OXR1: variants seen among roughly 807,000 people sequenced by gnomAD.
OXR1 encodes oxidation resistance 1.
Under a neutral mutation model 104.6 loss-of-function variants are expected in OXR1, and 41 were observed. The observed-to-expected ratio is 0.39, with a 90% confidence interval of 0.31 to 0.51. OXR1 has a LOEUF of 0.51. Among genes scored for constraint, OXR1 ranks in the 20% least tolerant of loss-of-function variants. The pLI, the probability that OXR1 is intolerant of heterozygous loss-of-function variation, is 0.77. For missense variants in OXR1, 955 were observed against 1,031.9 expected (o/e 0.93, Z 1.02); for synonymous variants, 348 against 348.4 (o/e 1.00, Z 0.01).
At chr8:106,294,409 A>AAAAG (rs1563700169) in intron 1 of OXR1, among the ~76,000 whole-genome samples, 2 of 149,014 alleles carry the variant, frequency 1.3e-5, no homozygotes, top group Non-Finnish European at 1.5e-5. Flanking sequence ...AAAAAAAAAA[A>AAAAG]AAAAAAGAAA....
intron 1 of OXR1, among the ~76,000 whole-genome samples, chr8:106,356,517 A>G (rs1007888489): frequency 6.6e-5 from 10 of 152,106 alleles, no homozygotes; most frequent in Non-Finnish European, 1.3e-4. Context: ...ACTCTATCTA[A>G]GATTCTAGGA....
intron 2 of OXR1, among the ~76,000 whole-genome samples, chr8:106,436,830 G>C (rs1819597194): frequency 6.6e-6 from 1 of 152,128 alleles, no homozygotes; most frequent in Non-Finnish European, 1.5e-5. Context: ...AGTTCCTACA[G>C]TTTCTGGAAT....
Position 106,720,562 on chromosome 8 carries a change from T to A in OXR1, c.1956+6577T>A, listed in dbSNP as rs1832743684. 1.6e-5 allele frequency: 3 copies of A among 182,408 alleles called. No individual in the cohort carries two copies. The Admixed American group carries it at 2.0e-4, about 12-fold the overall frequency. 11.3% of individuals were successfully genotyped at this position (182,408 alleles called of 1,614,324 possible). ...TCAAAAACATAAATTTGGTTCACTA[T>A]GGAAAAAGGTTTGTTTAATCATTTT... On this transcript the variant is annotated intron_variant, in intron 11 of 16. Transcript: ENST00000517566.
chr8:106,414,021 C>T (rs1343766654), intron 2 of OXR1, among the ~76,000 whole-genome samples: 7 of 152,124 alleles, frequency 4.6e-5, no homozygotes, highest in African/African-American at 7.2e-5. Context: ...AGCCACTGCA[C>T]GCAGACTGCT....
At chr8:106,670,717 G>GGA (rs1826856095) in intron 3 of OXR1, among the ~76,000 whole-genome samples, 1 of 151,988 alleles carries the variant, frequency 6.6e-6, no homozygotes, top group African/African-American at 2.4e-5. Flanking sequence ...AGAGTAAACA[G>GGA]GAAAGAGGAA....
At chr8:106,341,077 A>G (rs1206707738) in intron 1 of OXR1, among the ~76,000 whole-genome samples, 3 of 152,084 alleles carry the variant, frequency 2.0e-5, no homozygotes, top group African/African-American at 7.2e-5. Flanking sequence ...GCTGCTACTA[A>G]AAGTTTCGTT....
At chr8:106,560,986 T>C (rs531683730) in intron 3 of OXR1, among the ~76,000 whole-genome samples, 26 of 152,270 alleles carry the variant, frequency 1.7e-4, no homozygotes, top group African/African-American at 6.3e-4. Context: ...GCCCAGATAC[T>C]ATGCTTTTCC....
chr8:106,519,012 G>A lies in OXR1; in HGVS notation c.93G>A (p.Lys31=). ...TCAACCCTTTGGCTGGTGCAGGAAA[G>A]CAAACACCACAAGCCAGTAAGCCCC... The part of the protein sequence containing the change: ...PGFNPLAGAG[K]QTPQASKPPA... The change falls in exon 3 of 17, where the codon AAG becomes AAA. Residue 31 remains lysine (K), a synonymous_variant. Coordinates refer to ENST00000517566, the MANE Select transcript of OXR1 (RefSeq NM_001198533.2). 6.4e-7 allele frequency: 1 copy of A among 1,551,666 alleles called. No homozygotes were observed. The highest frequency in any genetic ancestry group is 8.7e-7 in the Non-Finnish European group (1 of 1,146,944).
chr8:106,540,405 G>A (rs1490416815), intron 3 of OXR1, among the ~76,000 whole-genome samples: 1 of 152,120 alleles, frequency 6.6e-6, no homozygotes. Context: ...GTCCTAGAGT[G>A]AATCTATTTT....
intron 2 of OXR1, among the ~76,000 whole-genome samples, chr8:106,452,652 G>T (rs1820381606): frequency 6.6e-6 from 1 of 152,054 alleles, no homozygotes; most frequent in South Asian, 2.1e-4. Flanking sequence ...CCAATTTACT[G>T]TTCCTGGAAT....
At chr8:106,678,018 T>A (rs28921393) in intron 3 of OXR1, among the ~76,000 whole-genome samples, 3,470 of 152,146 alleles carry the variant, frequency 0.023, 63 homozygotes, top group South Asian at 0.048. Context: ...GTGGAAGGGA[T>A]TTAAACCCAA....
At chr8:106,733,709 C>G (rs1475826590) in intron 11 of OXR1, among the ~76,000 whole-genome samples, 3 of 151,546 alleles carry the variant, frequency 2.0e-5, no homozygotes, top group Non-Finnish European at 4.4e-5. Context: ...ATCTGTAGTC[C>G]CAGCTACTTG....
chr8:106,671,044 C>CAAAAAAAA lies in OXR1; in HGVS notation c.221-8154_221-8147dup, dbSNP rs60404483. 9.7e-3 allele frequency among the ~76,000 whole-genome samples: 476 copies of CAAAAAAAA among 48,880 alleles called. 54 individuals carry two copies. The highest frequency in any genetic ancestry group is 0.048 in the African/African-American group (394 of 8,128). The allele number at this position is 48,880 out of a possible 152,430, so 32.1% of individuals were successfully genotyped here. A position where few individuals can be genotyped will look rare whatever the true frequency, so the allele number is the denominator to read the frequency against. On this transcript the variant is annotated intron_variant, in intron 3 of 16. Transcript: ENST00000517566. ...TGGGTGACAGAGTGAGACTCTGTCT[C>CAAAAAAAA]AAAAAAAAAAAAAAAAAAAGAATGG...
chr8:106,447,209 G>A (rs1248476035), intron 2 of OXR1, among the ~76,000 whole-genome samples: 3 of 152,140 alleles, frequency 2.0e-5, no homozygotes, highest in Non-Finnish European at 4.4e-5. Context: ...AGGCTAATCA[G>A]TTTGGTAACT....
At chr8:106,668,911 T>C (rs1180332765) in intron 3 of OXR1, among the ~76,000 whole-genome samples, 1 of 152,132 alleles carries the variant, frequency 6.6e-6, no homozygotes, top group Admixed American at 6.6e-5. Flanking sequence ...CAATAGTAAA[T>C]CTGTAGGTCC....
At position 106,324,661 on chromosome 8, in the gene OXR1, G is replaced by A. The variant is rs117802562; in HGVS notation, c.-138-34815G>A. On this transcript the variant is annotated intron_variant, in intron 1 of 16. Transcript: ENST00000517566. ...TTTAGAGCACCTAGTGCCCTCCATC[G>A]TCATCAACCACCCACTGCTGCGGAT... Among the ~76,000 whole-genome samples the A allele has an allele frequency of 9.5e-3, 1,434 of 151,502 alleles. 10 individuals are homozygous for A. Among genetic ancestry groups the A allele is most frequent in the Admixed American group, 0.014 (209 of 15,190 alleles).
intron 1 of OXR1, among the ~76,000 whole-genome samples, chr8:106,308,815 T>G (rs192490193): frequency 6.6e-6 from 1 of 152,202 alleles, no homozygotes; most frequent in Non-Finnish European, 1.5e-5. Flanking sequence ...TACATTTACA[T>G]AGGAAAATAT....
At chr8:106,643,624 A>G (rs1272597673) in intron 3 of OXR1, among the ~76,000 whole-genome samples, 2 of 152,160 alleles carry the variant, frequency 1.3e-5, no homozygotes, top group Non-Finnish European at 2.9e-5. Flanking sequence ...CCGCTGTGGG[A>G]CATCATGCCA....
chr8:106,632,515 T>C (rs2130898368), intron 3 of OXR1, among the ~76,000 whole-genome samples: 1 of 152,334 alleles, frequency 6.6e-6, no homozygotes, highest in Non-Finnish European at 1.5e-5. Flanking sequence ...TACTATCTAA[T>C]AATTGATGGG....
Sources: allele counts gnomAD v4.1 joint callset (sites outside exome capture counted in the v4.1 genomes callset), GRCh38; gene constraint gnomAD v4.1.1; transcripts MANE v1.5; gene names NCBI Gene and HGNC (gene_info 2026-07-23, HGNC 2026-07-21).